The following EXOC3L2 variants were observed in gnomAD, a reference collection of about 807,000 sequenced individuals.
EXOC3L2 encodes the protein exocyst complex component 3 like 2, also known as exocyst complex component 3-like protein 2.
EXOC3L2 carries 17 observed loss-of-function variants against 44.4 expected under a neutral mutation model. The observed-to-expected ratio is 0.38, with a 90% confidence interval of 0.26 to 0.57. The LOEUF (loss-of-function observed/expected upper bound fraction) is 0.57, where lower values mean the gene tolerates loss of function less well. Ranked by LOEUF, EXOC3L2 falls within the 20% of genes least tolerant of loss-of-function variation. The pLI is 0.65. For synonymous variants in EXOC3L2, 256 were observed against 253.7 expected (o/e 1.01, Z -0.09); for missense variants, 541 against 588.4 (o/e 0.92, Z 0.83).
chr19:45,235,906 G>C (rs758765065), intron 2 of EXOC3L2, among the ~76,000 whole-genome samples: 2 of 152,160 alleles, frequency 1.3e-5, no homozygotes, highest in Non-Finnish European at 2.9e-5. Flanking sequence ...GCTAAAAGCC[G>C]GGCTCAGGCA....
chr19:45,238,874 G>C lies in EXOC3L2; in HGVS notation c.172C>G (p.Leu58Val), dbSNP rs1235827603. 2.5e-6 allele frequency: 1 copy of C among 399,204 alleles called. No individual in the cohort carries two copies. Among genetic ancestry groups the C allele is most frequent in the Non-Finnish European group, 4.4e-6 (1 of 226,200 alleles). The allele number at this position is 399,204 out of a possible 1,614,324, so 24.7% of individuals were successfully genotyped here. A position where few individuals can be genotyped will look rare whatever the true frequency, so the allele number is the denominator to read the frequency against. ...NGTSCRRRAT[L>V]EKLAGLAPFR... ...GGGGCCAGGCCCGCAAGCTTCTCCAGGGTGGCGCGGCGGCGACAAGATGTT... is the reference window on the plus strand; with the variant it reads ...GGGGCCAGGCCCGCAAGCTTCTCCACGGTGGCGCGGCGGCGACAAGATGTT... Residue 58 changes from leucine to valine, a missense_variant, in exon 2 of 12, where the codon CTG becomes GTG. Transcript: ENST00000413988. The surrounding 1 kb of genome is among the most constrained non-coding windows in gnomAD (Gnocchi z 5.5).
intron 11 of EXOC3L2, among the ~76,000 whole-genome samples, chr19:45,215,366 A>G (rs8100419): frequency 0.13 from 19,038 of 151,804 alleles, 1,453 homozygotes; most frequent in African/African-American, 0.22. Context: ...AGCTACTCAG[A>G]AGGCTGAGGT....
intron 1 of EXOC3L2, among the ~76,000 whole-genome samples, chr19:45,241,371 G>A (rs1198679825): frequency 1.3e-5 from 2 of 151,900 alleles, no homozygotes; most frequent in Non-Finnish European, 2.9e-5. Context: ...CCAGCTACTC[G>A]GGAGGCTGAG....
chr19:45,225,542 A>G lies in EXOC3L2; in HGVS notation c.1584-629T>C, dbSNP rs1969949920. Among the ~76,000 whole-genome samples the G allele has an allele frequency of 2.0e-5, 3 of 151,442 alleles. No individual in the cohort carries two copies. In the South Asian group the frequency reaches 6.3e-4, roughly 32 times the overall value. On this transcript the variant is annotated intron_variant, in intron 7 of 11. Coordinates refer to ENST00000413988, the MANE Select transcript of EXOC3L2 (RefSeq NM_001382422.1). The stretch of plus-strand genomic sequence containing the variant: ...CTTGGCCTCCCAAAGTGCTGGGATT[A>G]CAGGCATGAGCCGCCGCACCCGGCC...
chr19:45,236,589 A>G (rs1045183117), intron 2 of EXOC3L2, among the ~76,000 whole-genome samples: 4 of 151,294 alleles, frequency 2.6e-5, no homozygotes, highest in Non-Finnish European at 4.4e-5. Context: ...GGGGTTTAGG[A>G]CTGGGACTCA....
intron 6 of EXOC3L2, 67 bp from the exon 7 acceptor site, chr19:45,227,839 C>T (rs1969982544): frequency 6.5e-7 from 1 of 1,541,798 alleles, no homozygotes. Flanking sequence ...ACCCAGCCTG[C>T]CAAAGCCACC....
At chr19:45,229,162 T>C (rs1011790525) in intron 4 of EXOC3L2, among the ~76,000 whole-genome samples, 7 of 149,692 alleles carry the variant, frequency 4.7e-5, no homozygotes, top group Non-Finnish European at 7.4e-5. Context: ...AAGGGCTTAA[T>C]TGTGTGTGTG....
Position 45,224,632 on chromosome 19 carries a change from C to A in EXOC3L2, c.1719+146G>T, listed in dbSNP as rs1969934854. On this transcript the variant is annotated intron_variant, in intron 8 of 11. Coordinates refer to ENST00000413988, the MANE Select transcript of EXOC3L2 (RefSeq NM_001382422.1). Reference sequence around the variant, plus strand: ...CACCCTCTCCACTCCACCAACAGCCCAGGCATGGCCTTAACTGCCCCTGCC... The same window carrying A: ...CACCCTCTCCACTCCACCAACAGCCAAGGCATGGCCTTAACTGCCCCTGCC... 8 of 1,254,282 alleles carry A rather than the reference C, an allele frequency of 6.4e-6. No individual in the cohort carries two copies. In the East Asian group the frequency reaches 2.3e-4, roughly 36 times the overall value. The allele number at this position is 1,254,282 out of a possible 1,614,324, so 77.7% of individuals were successfully genotyped here.
rs751893361 is a variant in EXOC3L2 at position 45,228,266 on chromosome 19, C to A, written c.1270G>T (p.Ala424Ser). The change falls in exon 5 of 12, where the codon GCT becomes TCT. Residue 424 changes from alanine (A) to serine (S), a missense_variant and splice_region_variant. By Grantham distance (99) the Ala-to-Ser change is moderately conservative. Transcript: ENST00000413988. ...CGGAGAAGGGCAGCCCGGGTCTGAGCCTACAGTAGGGAGAGGGGAGACAGG... is the reference window on the plus strand; with the variant it reads ...CGGAGAAGGGCAGCCCGGGTCTGAGACTACAGTAGGGAGAGGGGAGACAGG... ...LEDECVTDVKAQTRAALLRVL... is the reference protein window; with the variant it reads ...LEDECVTDVKSQTRAALLRVL... 8.7e-6 allele frequency: 14 copies of A among 1,613,792 alleles called. No individual in the cohort carries two copies. Among genetic ancestry groups the A allele is most frequent in the Non-Finnish European group, 1.1e-5 (13 of 1,179,976 alleles).
intron 2 of EXOC3L2, among the ~76,000 whole-genome samples, chr19:45,236,465 CAAAAAA>C (rs34024056): frequency 1.1e-4 from 5 of 44,996 alleles, no homozygotes; most frequent in African/African-American, 1.8e-4. Flanking sequence ...GACTCCATCT[CAAAAAA>C]AAAAAAAAAA....
intron 8 of EXOC3L2, among the ~76,000 whole-genome samples, chr19:45,222,567 C>T (rs1379478746): frequency 2.0e-5 from 3 of 152,082 alleles, no homozygotes; most frequent in Non-Finnish European, 4.4e-5. Context: ...TTTCCTTCCT[C>T]CCTCACCTAT....
At position 45,213,108 on chromosome 19, in the gene EXOC3L2, G is replaced by GGGCCGA; in HGVS notation, c.2364_2369dup (p.Arg791_Pro792dup). 6.5e-7 allele frequency: 1 copy of GGGCCGA among 1,541,480 alleles called. No individual in the cohort carries two copies. The highest frequency in any genetic ancestry group is 8.7e-7 in the Non-Finnish European group (1 of 1,148,286). On this transcript the variant is annotated inframe_insertion, in exon 12 of 12. Transcript: ENST00000413988. ...GAGGTCGCGCTAGAGACGGAGGCCG[G>GGGCCGA]GGCCGAGGCAGACAGGCCAAACTGG... is the stretch of plus-strand genomic sequence containing the variant.
rs1969979701 is a variant in EXOC3L2, at chr19:45,227,673, GC to G, written c.1571del (p.Gly524AlafsTer4). On this transcript the variant is annotated frameshift_variant, in exon 7 of 12. Coordinates refer to ENST00000413988, the MANE Select transcript of EXOC3L2 (RefSeq NM_001382422.1). LOFTEE classifies it high-confidence loss of function. ...ATGGATGCCCTCACCTCAGTGGGGG[GC>G]CGCAGTTGACCAGGGCGATGGTCTT... ...ISKTIALVNC[G>X]PPLRALAERL... 1 of 1,611,114 alleles carries G rather than the reference GC, an allele frequency of 6.2e-7. No homozygotes were observed. The highest frequency in any genetic ancestry group is 8.5e-7 in the Non-Finnish European group (1 of 1,179,360).
chr19:45,239,162 A>G (rs967393755), intron 1 of EXOC3L2, 101 bp from the exon 2 acceptor site: 2 of 394,122 alleles, frequency 5.1e-6, no homozygotes, highest in Admixed American at 8.9e-5. Flanking sequence ...CGTACCAGAC[A>G]CTTGCCTGAG....
Position 45,226,747 on chromosome 19 carries a change from C to CTTTTTTTTTTTTT in EXOC3L2, c.1583+902_1583+914dup, listed in dbSNP as rs957385712. Among the ~76,000 whole-genome samples, 218 of 90,654 alleles carry CTTTTTTTTTTTTT rather than the reference C, an allele frequency of 2.4e-3. 25 individuals are homozygous for CTTTTTTTTTTTTT. The highest frequency in any genetic ancestry group is 0.01 in the African/African-American group (170 of 16,270). 59.5% of individuals were successfully genotyped at this position (90,654 alleles called of 152,430 possible). On this transcript the variant is annotated intron_variant, in intron 7 of 11. Coordinates refer to ENST00000413988, the MANE Select transcript of EXOC3L2 (RefSeq NM_001382422.1). ...CACTGTGCCCAGCTGACTCCCATCT[C>CTTTTTTTTTTTTT]TTTTTTTTTTTTTTTTTTTTTTTGA...
chr19:45,239,167 C>T, intron 1 of EXOC3L2, 106 bp from the exon 2 acceptor site: 2 of 393,474 alleles, frequency 5.1e-6, no homozygotes, highest in Non-Finnish European at 4.4e-6. Flanking sequence ...CAGACACTTG[C>T]CTGAGCACTT....
chr19:45,224,468 C>T (rs774839764), intron 8 of EXOC3L2, among the ~76,000 whole-genome samples: 3 of 152,116 alleles, frequency 2.0e-5, no homozygotes, highest in African/African-American at 4.8e-5. Flanking sequence ...AGGGCGGGCA[C>T]GAGGACCAGG....
Position 45,238,861 on chromosome 19 carries a change from G to T in EXOC3L2, c.185C>A (p.Ala62Glu), listed in dbSNP as rs537409987. The T allele has an allele frequency of 2.3e-5, 9 of 398,994 alleles. No individual in the cohort carries two copies. The highest frequency in any genetic ancestry group is 4.4e-5 in the Admixed American group (1 of 22,708). 24.7% of individuals were successfully genotyped at this position (398,994 alleles called of 1,614,324 possible). A position where few individuals can be genotyped will look rare whatever the true frequency, so the allele number is the denominator to read the frequency against. ...GCCCAGCCGGAAGGGGGCCAGGCCC[G>T]CAAGCTTCTCCAGGGTGGCGCGGCG... ...CRRRATLEKL[A>E]GLAPFRLGWA... Residue 62 changes from alanine (A) to glutamate (E), a missense_variant, in exon 2 of 12, where the codon GCG becomes GAG. Transcript: ENST00000413988. The surrounding 1 kb of genome is among the most constrained non-coding windows in gnomAD (Gnocchi z 5.5).
chr19:45,233,339 C>T (rs1365288077), intron 3 of EXOC3L2, among the ~76,000 whole-genome samples: 2 of 152,218 alleles, frequency 1.3e-5, no homozygotes, highest in African/African-American at 4.8e-5. Context: ...TGGTACTAAG[C>T]TTCTATGGTT....
Sources: gnomAD v4.1 joint callset for allele counts (sites outside exome capture counted in the v4.1 genomes callset) on GRCh38, gnomAD v4.1.1 for gene constraint, Gnocchi (gnomAD v3.1) non-coding constraint, MANE v1.5 for transcripts, NCBI Gene and HGNC (gene_info 2026-07-23, HGNC 2026-07-21) for gene names.